Variants in OR2L13 observed in about 807,000 individuals in gnomAD.
The protein encoded by OR2L13 is olfactory receptor family 2 subfamily L member 13, also known as olfactory receptor 2L13.
OR2L13 carries 14 observed loss-of-function variants against 15.3 expected under a neutral mutation model. The observed-to-expected ratio is 0.91, with a 90% CI of 0.60 to 1.43. The LOEUF (loss-of-function observed/expected upper bound fraction) is 1.43. Among genes scored for constraint, OR2L13 ranks in the 40% most tolerant of loss-of-function variants. The probability of loss-of-function intolerance (pLI) is 0.00; values close to 1 mark genes in which losing one functional copy is unlikely to be tolerated. For missense variants in OR2L13, 367 were observed against 387.9 expected, an observed-to-expected ratio of 0.95 and a Z score of 0.45; for synonymous variants, 152 against 142.9, an observed-to-expected ratio of 1.06 and a Z score of -0.45.
At chr1:248,042,518 A>G in the OR2L13 span, among the ~76,000 whole-genome samples, 1 of 152,136 alleles carries the variant, frequency 6.6e-6, no homozygotes, top group African/African-American at 2.4e-5. Context: ...TAAAAAATAA[A>G]TAAACAAATA....
the OR2L13 span, among the ~76,000 whole-genome samples, chr1:248,043,338 G>A: frequency 2.6e-5 from 4 of 152,198 alleles, no homozygotes; most frequent in Admixed American, 6.5e-5. Context: ...ATAAAGGATG[G>A]TAAGTAAATT....
the OR2L13 span, among the ~76,000 whole-genome samples, chr1:248,044,809 CAAAAAAA>C: frequency 3.7e-4 from 3 of 8,128 alleles, no homozygotes; most frequent in Non-Finnish European, 5.0e-4. Context: ...AACTCCGTCT[CAAAAAAA>C]AAAAAAAAAA....
the OR2L13 span, among the ~76,000 whole-genome samples, chr1:247,996,407 A>C: frequency 6.6e-6 from 1 of 152,262 alleles, no homozygotes. Context: ...ATTCAAATGC[A>C]CTGAACACAG....
At chr1:247,946,251 A>G in the OR2L13 span, among the ~76,000 whole-genome samples, 4 of 145,236 alleles carry the variant, frequency 2.8e-5, no homozygotes, top group South Asian at 2.1e-4. Flanking sequence ...AGTTTTCTAC[A>G]TATATAATTA....
chr1:247,945,600 A>C, the OR2L13 span, among the ~76,000 whole-genome samples: 1 of 152,092 alleles, frequency 6.6e-6, no homozygotes, highest in Non-Finnish European at 1.5e-5. Context: ...TGGGGTATTA[A>C]AGTCTCCCGC....
the OR2L13 span, among the ~76,000 whole-genome samples, chr1:247,992,687 C>T: frequency 1.3e-5 from 2 of 152,176 alleles, no homozygotes; most frequent in African/African-American, 4.8e-5. Context: ...TATCCATTAT[C>T]ACTTGCAAAC....
chr1:248,009,235 G>A, the OR2L13 span, among the ~76,000 whole-genome samples: 1 of 152,032 alleles, frequency 6.6e-6, no homozygotes, highest in East Asian at 1.9e-4. Flanking sequence ...AATGAATCCA[G>A]GAGCTGGTTT....
At chr1:247,950,147 T>G in the OR2L13 span, among the ~76,000 whole-genome samples, 1 of 152,290 alleles carries the variant, frequency 6.6e-6, no homozygotes, top group Middle Eastern at 3.4e-3. Flanking sequence ...TAATTAAAAT[T>G]TTTTTTTGGT....
chr1:248,037,881 T>C, the OR2L13 span, among the ~76,000 whole-genome samples: 5 of 152,212 alleles, frequency 3.3e-5, no homozygotes, highest in African/African-American at 9.6e-5. Flanking sequence ...CCTACCTTGT[T>C]CTCCTCACTT....
the OR2L13 span, chr1:248,021,861 T>A: frequency 1.5e-5 from 16 of 1,075,018 alleles, no homozygotes; most frequent in Non-Finnish European, 2.2e-5. Flanking sequence ...CTGGAGGCCT[T>A]GGAATGCAAC....
the OR2L13 span, chr1:247,949,042 T>G: frequency 1.8e-3 from 2,848 of 1,613,986 alleles, 7 homozygotes; most frequent in Non-Finnish European, 2.2e-3. Flanking sequence ...TATTTCCTAC[T>G]GAGTCAGCTC....
chr1:247,941,953 A>G, the OR2L13 span, among the ~76,000 whole-genome samples: 1 of 152,148 alleles, frequency 6.6e-6, no homozygotes, highest in East Asian at 1.9e-4. Flanking sequence ...ACTGGGAATT[A>G]TTGTGTTACT....
the OR2L13 span, among the ~76,000 whole-genome samples, chr1:248,018,582 A>G: frequency 2.0e-5 from 3 of 152,204 alleles, no homozygotes; most frequent in Non-Finnish European, 4.4e-5. Flanking sequence ...TTTTCTTAAA[A>G]TGTATTTGGA....
At chr1:247,989,066 T>G in the OR2L13 span, among the ~76,000 whole-genome samples, 4 of 152,046 alleles carry the variant, frequency 2.6e-5, no homozygotes, top group Non-Finnish European at 4.4e-5. Flanking sequence ...CATATAGATA[T>G]TCAGATGGGG....
At chr1:248,015,235 TCA>T in the OR2L13 span, among the ~76,000 whole-genome samples, 3 of 152,210 alleles carry the variant, frequency 2.0e-5, no homozygotes, top group Non-Finnish European at 4.4e-5. Flanking sequence ...TATTCCTACG[TCA>T]GTTAAACACA....
chr1:248,025,967 G>T, the OR2L13 span, among the ~76,000 whole-genome samples: 3 of 150,062 alleles, frequency 2.0e-5, no homozygotes, highest in African/African-American at 7.5e-5. Context: ...GGGGAGGGGG[G>T]AAGGATAGCA....
chr1:248,002,854 C>CA, the OR2L13 span, among the ~76,000 whole-genome samples: 10,223 of 123,778 alleles, frequency 0.083, 400 homozygotes, highest in Middle Eastern at 0.11. Context: ...GACTCCAGCT[C>CA]AAAAAAAAAA....
chr1:247,968,586 C>T, the OR2L13 span, among the ~76,000 whole-genome samples: 7 of 140,846 alleles, frequency 5.0e-5, no homozygotes, highest in Non-Finnish European at 9.1e-5. Flanking sequence ...TGACTGAGAA[C>T]ATATGGTGTT....
chr1:248,075,463 C>A, the OR2L13 span, among the ~76,000 whole-genome samples: 10 of 152,184 alleles, frequency 6.6e-5, no homozygotes, highest in Non-Finnish European at 1.2e-4. Flanking sequence ...ATTTACACTC[C>A]CACCAACAAT....
Sources: gnomAD v4.1 joint callset for allele counts (sites outside exome capture counted in the v4.1 genomes callset) on GRCh38, gnomAD v4.1.1 for gene constraint, MANE v1.5 for transcripts, NCBI Gene and HGNC (gene_info 2026-07-23, HGNC 2026-07-21) for gene names.